Variants in PPP1R13B observed in about 807,000 individuals in gnomAD.
PPP1R13B encodes apoptosis-stimulating of p53 protein 1.
PPP1R13B carries 44 observed loss-of-function variants against 119.8 expected under a neutral mutation model. That is an observed-to-expected ratio of 0.37 (90% CI 0.29 to 0.47). PPP1R13B has a LOEUF of 0.47. Ranked by LOEUF, PPP1R13B falls within the 20% of genes least tolerant of loss-of-function variation. The pLI is 0.99. For synonymous variants in PPP1R13B, 542 were observed against 561.5 expected (o/e 0.97, Z 0.49); for missense variants, 1,227 against 1,413.5 (o/e 0.87, Z 2.12).
At chr14:103,820,249 A>C (rs902909424) in intron 1 of PPP1R13B, among the ~76,000 whole-genome samples, 1 of 152,164 alleles carries the variant, frequency 6.6e-6, no homozygotes, top group Non-Finnish European at 1.5e-5. Context: ...TCTGTTCAGC[A>C]AACACAGGAA....
intron 7 of PPP1R13B, 113 bp from the exon 8 acceptor site, chr14:103,750,047 T>A: frequency 1.9e-6 from 2 of 1,073,476 alleles, no homozygotes; most frequent in Non-Finnish European, 2.7e-6. Flanking sequence ...TATATTTACA[T>A]GCATGCACTG....
chr14:103,735,210 A>AGCC lies in PPP1R13B; in HGVS notation c.3232-18_3232-16dup. 1 of 1,613,824 alleles carries AGCC rather than the reference A, an allele frequency of 6.2e-7. No individual in the cohort carries two copies. Among genetic ancestry groups the AGCC allele is most frequent in the East Asian group, 2.2e-5 (1 of 44,872 alleles). ...CGTGGATACAGCTGGGAAGCAACGG[A>AGCC]GCCGCGTCAGGACAGGAAGCCACAC... On this transcript the variant is annotated splice_polypyrimidine_tract_variant and intron_variant, in intron 16 of 16. Transcript: ENST00000202556.
At chr14:103,837,818 A>G (rs937820190) in intron 1 of PPP1R13B, among the ~76,000 whole-genome samples, 1 of 152,064 alleles carries the variant, frequency 6.6e-6, no homozygotes, top group Admixed American at 6.6e-5. Flanking sequence ...CCACTTTTTA[A>G]AAACATTTGG....
At chr14:103,795,833 A>C (rs2085745349) in intron 2 of PPP1R13B, among the ~76,000 whole-genome samples, 1 of 152,232 alleles carries the variant, frequency 6.6e-6, no homozygotes, top group African/African-American at 2.4e-5. Flanking sequence ...ATCAAAGTCA[A>C]GTTTCTCTCC....
At position 103,738,616 on chromosome 14, in the gene PPP1R13B, CT is replaced by C; in HGVS notation, c.2864+62del. 2 of 1,599,502 alleles carry C rather than the reference CT, an allele frequency of 1.3e-6. No individual in the cohort carries two copies. The highest frequency in any genetic ancestry group is 1.7e-6 in the Non-Finnish European group (2 of 1,169,556). Reference sequence around the variant, plus strand: ...TGCTTCCTAATTGTCTAGAACACGCCTGTTTTCCTTATGCAAAGCAGGGAAA... The same window carrying C: ...TGCTTCCTAATTGTCTAGAACACGCCGTTTTCCTTATGCAAAGCAGGGAAA... On this transcript the variant is annotated intron_variant, in intron 14 of 16. Transcript: ENST00000202556. This position sits in a 1 kb window ranked among gnomAD's most constrained non-coding sequence, Gnocchi z 5.6.
At chr14:103,838,337 CACT>C (rs1264174727) in intron 1 of PPP1R13B, among the ~76,000 whole-genome samples, 3 of 152,114 alleles carry the variant, frequency 2.0e-5, no homozygotes, top group Non-Finnish European at 4.4e-5. Flanking sequence ...ATGTGTCAAT[CACT>C]GGGCTAAACG....
At chr14:103,767,967 C>T (rs966364106) in intron 4 of PPP1R13B, among the ~76,000 whole-genome samples, 1 of 152,212 alleles carries the variant, frequency 6.6e-6, no homozygotes, top group African/African-American at 2.4e-5. Flanking sequence ...CTTTCTTTCT[C>T]TATAAAATCT....
chr14:103,841,391 C>G (rs2086904700), intron 1 of PPP1R13B, among the ~76,000 whole-genome samples: 1 of 151,714 alleles, frequency 6.6e-6, no homozygotes, highest in Non-Finnish European at 1.5e-5. Flanking sequence ...AGTTTGTGAC[C>G]AGCCTGGCCA....
rs180681994 is a variant in PPP1R13B at position 103,759,247 on chromosome 14, C to T, written c.355-1496G>A. ...TGCTGGGATTACAGGCATGAGCCAC[C>T]GCGCCCGGCTGGATTTAACAGTCTT... On this transcript the variant is annotated intron_variant, in intron 4 of 16. Transcript: ENST00000202556. The T allele has an allele frequency of 4.2e-3, 635 of 151,618 alleles. 3 individuals are homozygous for T. Among genetic ancestry groups the T allele is most frequent in the Middle Eastern group, 0.01 (3 of 290 alleles). The allele number at this position is 151,618 out of a possible 1,614,324, so 9.4% of individuals were successfully genotyped here. A position where few individuals can be genotyped will look rare whatever the true frequency, so the allele number is the denominator to read the frequency against.
intron 4 of PPP1R13B, chr14:103,763,196 T>A: frequency 5.1e-6 from 3 of 587,678 alleles, no homozygotes; most frequent in Non-Finnish European, 9.3e-6. Context: ...AAATGTGGAA[T>A]GTGTCCATGA....
At chr14:103,844,755 C>T (rs774388434) in intron 1 of PPP1R13B, among the ~76,000 whole-genome samples, 5 of 151,934 alleles carry the variant, frequency 3.3e-5, no homozygotes, top group Non-Finnish European at 5.9e-5. Flanking sequence ...AAAGTTACCA[C>T]GACATTATAT....
intron 1 of PPP1R13B, among the ~76,000 whole-genome samples, chr14:103,827,606 A>G (rs1419030796): frequency 1.3e-5 from 2 of 149,408 alleles, no homozygotes; most frequent in Non-Finnish European, 3.0e-5. Flanking sequence ...TGTATGATAT[A>G]TGGTATATAT....
intron 1 of PPP1R13B, among the ~76,000 whole-genome samples, chr14:103,798,512 A>T (rs1459440311): frequency 6.6e-6 from 1 of 151,998 alleles, no homozygotes; most frequent in Non-Finnish European, 1.5e-5. Context: ...TCATATTACA[A>T]ATACAAAGCT....
chr14:103,800,075 A>G lies in PPP1R13B; in HGVS notation c.10-2557T>C, dbSNP rs144437546. Among the ~76,000 whole-genome samples the G allele has an allele frequency of 1.4e-3, 206 of 152,150 alleles. 1 individual carries two copies. Among genetic ancestry groups the G allele is most frequent in the African/African-American group, 4.8e-3 (200 of 41,502 alleles). ...TCAAAAATAAATAAATAAATAAATA[A>G]AAATAAAGGAATAAAGTAAAATTTA... On this transcript the variant is annotated intron_variant, in intron 1 of 16. Transcript: ENST00000202556.
At chr14:103,790,964 CAA>C (rs1283607147) in intron 2 of PPP1R13B, among the ~76,000 whole-genome samples, 1 of 152,116 alleles carries the variant, frequency 6.6e-6, no homozygotes, top group Non-Finnish European at 1.5e-5. Context: ...GATGTCAAGA[CAA>C]GAGATAAAAC....
At chr14:103,835,619 T>TC (rs1367364096) in intron 1 of PPP1R13B, among the ~76,000 whole-genome samples, 1 of 151,420 alleles carries the variant, frequency 6.6e-6, no homozygotes, top group Non-Finnish European at 1.5e-5. Context: ...TTTATTTATT[T>TC]TTTTTTTGAG....
chr14:103,753,046 G>T lies in PPP1R13B; in HGVS notation c.782C>A (p.Thr261Lys). Residue 261 changes from threonine (T) to lysine (K), a missense_variant, in exon 7 of 17, where the codon ACG becomes AAG. Thr to Lys is a moderately conservative substitution (Grantham distance 78). Coordinates refer to ENST00000202556, the MANE Select transcript of PPP1R13B (RefSeq NM_015316.3). Reference sequence around the variant, plus strand: ...TTTTAACTCCACCGCCGCTGGTCCCGTCAATTTGCCATTGTAAGACTGGAA... The same window carrying T: ...TTTTAACTCCACCGCCGCTGGTCCCTTCAATTTGCCATTGTAAGACTGGAA... ...NGFQSYNGKL[T>K]GPAAVELKRL... 6 of 1,614,088 alleles carry T rather than the reference G, an allele frequency of 3.7e-6. No individual in the cohort carries two copies. Among genetic ancestry groups the T allele is most frequent in the Non-Finnish European group, 5.1e-6 (6 of 1,180,028 alleles).
At chr14:103,819,058 G>C (rs1254812906) in intron 1 of PPP1R13B, among the ~76,000 whole-genome samples, 1 of 152,164 alleles carries the variant, frequency 6.6e-6, no homozygotes, top group Non-Finnish European at 1.5e-5. Context: ...ACAGCTTGAA[G>C]GAAGACCATT....
chr14:103,736,212 G>C lies in PPP1R13B; in HGVS notation c.3032-10C>G, dbSNP rs2084106581. On this transcript the variant is annotated splice_polypyrimidine_tract_variant and intron_variant, in intron 15 of 16. Coordinates refer to ENST00000202556, the MANE Select transcript of PPP1R13B (RefSeq NM_015316.3). ...AGCTTTTCCTGCACCCCTGGAGCCA[G>C]AGAGCAATGGTCAGGCCTCAGCAGA... 1 of 1,612,266 alleles carries C rather than the reference G, an allele frequency of 6.2e-7. No individual in the cohort carries two copies.
Sources: gnomAD v4.1 joint callset for allele counts (sites outside exome capture counted in the v4.1 genomes callset) on GRCh38, gnomAD v4.1.1 for gene constraint, Gnocchi (gnomAD v3.1) non-coding constraint, MANE v1.5 for transcripts, NCBI Gene and HGNC (gene_info 2026-07-23, HGNC 2026-07-21) for gene names.